Variants in FHIT observed in about 807,000 individuals in gnomAD.
FHIT encodes the protein bis(5'-adenosyl)-triphosphatase.
FHIT carries 19 observed loss-of-function variants against 17.9 expected under a neutral mutation model. That is an observed-to-expected ratio of 1.06 (90% CI 0.74 to 1.56). FHIT has a LOEUF of 1.56. FHIT is among the 40% of genes most tolerant of loss of function. FHIT has a pLI of 0.00. For synonymous variants in FHIT, 81 were observed against 69.7 expected (o/e 1.16, Z -0.81); for missense variants, 248 against 189.2 (o/e 1.31, Z -1.82).
chr3:60,592,031 G>A (rs1431112377), intron 4 of FHIT, among the ~76,000 whole-genome samples: 1 of 151,518 alleles, frequency 6.6e-6, no homozygotes, highest in African/African-American at 2.4e-5. Context: ...ACAGAAAATC[G>A]GATTTCAAAA....
At chr3:60,576,477 G>C (rs1553657650) in intron 4 of FHIT, among the ~76,000 whole-genome samples, 1 of 152,094 alleles carries the variant, frequency 6.6e-6, no homozygotes, top group Non-Finnish European at 1.5e-5. Flanking sequence ...TGATAAAACA[G>C]TTTCTTTGCC....
At chr3:59,909,555 C>G (rs924498225) in intron 8 of FHIT, among the ~76,000 whole-genome samples, 1 of 152,166 alleles carries the variant, frequency 6.6e-6, no homozygotes, top group Non-Finnish European at 1.5e-5. Flanking sequence ...GTCTCAAACT[C>G]CTGACCTCAA....
At chr3:60,061,816 G>C (rs1211220269) in intron 5 of FHIT, among the ~76,000 whole-genome samples, 1 of 152,146 alleles carries the variant, frequency 6.6e-6, no homozygotes, top group Non-Finnish European at 1.5e-5. Context: ...AAGCAGACAA[G>C]GGAATCATAC....
intron 4 of FHIT, among the ~76,000 whole-genome samples, chr3:60,705,467 A>G (rs2041349869): frequency 6.6e-6 from 1 of 152,354 alleles, no homozygotes; most frequent in East Asian, 1.9e-4. Flanking sequence ...TGATAGAAAT[A>G]CAGGACACTA....
At chr3:59,937,691 G>C (rs958668584) in intron 7 of FHIT, among the ~76,000 whole-genome samples, 2 of 152,076 alleles carry the variant, frequency 1.3e-5, no homozygotes, top group African/African-American at 4.8e-5. Context: ...TCTTTCAAAG[G>C]AACATTATTC....
At chr3:60,873,138 G>GGAGAGAGA (rs71287128) in intron 3 of FHIT, among the ~76,000 whole-genome samples, 4 of 147,054 alleles carry the variant, frequency 2.7e-5, no homozygotes, top group Non-Finnish European at 6.0e-5. Context: ...AGAGGGAGAG[G>GGAGAGAGA]GAGAGAGAGA....
chr3:60,888,912 A>T (rs1262211420), intron 3 of FHIT, among the ~76,000 whole-genome samples: 2 of 152,248 alleles, frequency 1.3e-5, no homozygotes, highest in Non-Finnish European at 2.9e-5. Context: ...AATCCACCTC[A>T]GATTTCACCA....
At chr3:60,171,023 C>G (rs1701396055) in intron 5 of FHIT, among the ~76,000 whole-genome samples, 1 of 152,184 alleles carries the variant, frequency 6.6e-6, no homozygotes. Flanking sequence ...GCCCAACTTT[C>G]TATCCCCAAC....
chr3:60,570,049 C>G (rs2037320462), intron 4 of FHIT, among the ~76,000 whole-genome samples: 1 of 152,000 alleles, frequency 6.6e-6, no homozygotes, highest in Admixed American at 6.6e-5. Flanking sequence ...TTCCAAAGCC[C>G]AGACTATGCC....
chr3:60,048,404 C>A (rs1237254236), intron 5 of FHIT, among the ~76,000 whole-genome samples: 2 of 151,488 alleles, frequency 1.3e-5, no homozygotes, highest in Admixed American at 6.6e-5. Context: ...GCTCGATCTC[C>A]TGACCTCGTG....
At chr3:60,922,008 T>A (rs374852691) in intron 3 of FHIT, among the ~76,000 whole-genome samples, 2 of 152,248 alleles carry the variant, frequency 1.3e-5, no homozygotes, top group African/African-American at 4.8e-5. Flanking sequence ...AGGCACTGCC[T>A]GCAGCAGGGA....
At chr3:60,448,041 G>A (rs1321917017) in intron 5 of FHIT, among the ~76,000 whole-genome samples, 1 of 152,116 alleles carries the variant, frequency 6.6e-6, no homozygotes, top group Non-Finnish European at 1.5e-5. Context: ...AATGAATTCA[G>A]GGGCCCTCTA....
At chr3:60,761,566 C>T (rs1699657779) in intron 4 of FHIT, among the ~76,000 whole-genome samples, 1 of 150,422 alleles carries the variant, frequency 6.6e-6, no homozygotes, top group Non-Finnish European at 1.5e-5. Context: ...CAAAATCAAG[C>T]AATTATCAAC....
At chr3:60,752,826 C>T (rs1247339455) in intron 4 of FHIT, among the ~76,000 whole-genome samples, 1 of 152,148 alleles carries the variant, frequency 6.6e-6, no homozygotes, top group Non-Finnish European at 1.5e-5. Flanking sequence ...CAGAGAGTTT[C>T]ATTCTGAAAA....
chr3:60,354,575 C>T (rs879712729), intron 5 of FHIT, among the ~76,000 whole-genome samples: 6 of 152,096 alleles, frequency 3.9e-5, no homozygotes, highest in East Asian at 1.9e-4. Flanking sequence ...ATAATAAGTC[C>T]GTGTTAAAAA....
intron 5 of FHIT, among the ~76,000 whole-genome samples, chr3:60,319,088 T>A (rs1393520677): frequency 6.6e-6 from 1 of 152,046 alleles, no homozygotes; most frequent in Non-Finnish European, 1.5e-5. Context: ...CAGGATAACT[T>A]CCCCATCTTA....
intron 5 of FHIT, among the ~76,000 whole-genome samples, chr3:60,489,780 G>T (rs2033987483): frequency 6.6e-6 from 1 of 152,116 alleles, no homozygotes; most frequent in Non-Finnish European, 1.5e-5. Context: ...TTCAGTTTTG[G>T]CAGGAGGGCC....
In FHIT at chr3:60,371,795, G is replaced by C. The variant is rs986557113; in HGVS notation, c.103+165065C>G. ...TGGGGAAGTAAAGAGAGAGAGCAAT[G>C]ATTGATTATTTGAGAAGTTAACCTC... On this transcript the variant is annotated intron_variant, in intron 5 of 9. Coordinates refer to ENST00000492590, the MANE Select transcript of FHIT (RefSeq NM_002012.4). Among the ~76,000 whole-genome samples, 3 of 151,120 alleles carry C rather than the reference G, an allele frequency of 2.0e-5. No individual in the cohort carries two copies. The South Asian group carries it at 6.3e-4, about 32-fold the overall frequency.
intron 3 of FHIT, among the ~76,000 whole-genome samples, chr3:60,916,544 TTCATTACCCACTGCA>T (rs1707014072): frequency 6.6e-6 from 1 of 152,182 alleles, no homozygotes; most frequent in Non-Finnish European, 1.5e-5. Context: ...TCAAGGCCAT[TTCATTACCCACTGCA>T]TCACCATCCT....
Sources: gnomAD v4.1 joint callset for allele counts (sites outside exome capture counted in the v4.1 genomes callset) on GRCh38, gnomAD v4.1.1 for gene constraint, MANE v1.5 for transcripts, NCBI Gene and HGNC (gene_info 2026-07-23, HGNC 2026-07-21) for gene names.